CLMP: variants seen among roughly 807,000 people sequenced by gnomAD.
The protein encoded by CLMP is CXADR like cell adhesion molecule.
A neutral mutation model predicts 45.2 loss-of-function variants in CLMP; 27 were observed. The ratio of observed to expected loss-of-function variants is 0.60; its 90% CI spans 0.44 to 0.82. The LOEUF (loss-of-function observed/expected upper bound fraction) is 0.82. CLMP is among the 40% of genes least tolerant of loss of function. The pLI is 0.00. For missense variants in CLMP, 403 were observed against 448.4 expected, an observed-to-expected ratio of 0.90 and a Z score of 0.91; for synonymous variants, 167 against 171.4, an observed-to-expected ratio of 0.97 and a Z score of 0.20.
In CLMP at chr11:123,073,240, A is replaced by C. The variant is rs780760117; in HGVS notation, c.*234T>G. On this transcript the variant is annotated 3_prime_UTR_variant, in exon 7 of 7. Transcript: ENST00000448775. ...TAGATTTGGACTCCTGCTTTCCCTT[A>C]CTCTGGTCTAAAGGCACAATAAGAT... is the stretch of plus-strand genomic sequence containing the variant. 1.3e-5 allele frequency: 6 copies of C among 452,406 alleles called. No individual in the cohort carries two copies. The highest frequency in any genetic ancestry group is 2.3e-5 in the Non-Finnish European group (6 of 257,984). The allele number at this position is 452,406 out of a possible 1,614,324, so 28.0% of individuals were successfully genotyped here.
intron 1 of CLMP, among the ~76,000 whole-genome samples, chr11:123,101,428 T>TCTAATTCC (rs1227447005): frequency 2.0e-5 from 3 of 152,236 alleles, no homozygotes. Flanking sequence ...TTTCTAATTC[T>TCTAATTCC]CTAATTCCCT....
At chr11:123,098,529 G>A (rs59335731) in intron 1 of CLMP, among the ~76,000 whole-genome samples, 2,865 of 151,426 alleles carry the variant, frequency 0.019, 88 homozygotes, top group African/African-American at 0.066. Flanking sequence ...TGCCCGGCCT[G>A]TTTGTTTGTT....
chr11:123,132,091 T>C (rs4442564), intron 1 of CLMP, among the ~76,000 whole-genome samples: 21,488 of 151,920 alleles, frequency 0.14, 1,916 homozygotes, highest in East Asian at 0.25. Context: ...TGCGGGGGGG[T>C]CTATGTGTAA....
intron 1 of CLMP, among the ~76,000 whole-genome samples, chr11:123,180,176 G>A (rs994212949): frequency 1.3e-5 from 2 of 152,218 alleles, no homozygotes; most frequent in African/African-American, 4.8e-5. Flanking sequence ...ACTGTCCTAA[G>A]CACCAAGGAC....
rs1263238542 is a variant in CLMP, at chr11:123,150,488, G to GAAAGAAA, written c.28+44424_28+44425insTTTCTTT. Among the ~76,000 whole-genome samples, 7 of 47,838 alleles carry GAAAGAAA rather than the reference G, an allele frequency of 1.5e-4. 1 individual carries two copies. The highest frequency in any genetic ancestry group is 8.6e-4 in the South Asian group (1 of 1,168). The allele number at this position is 47,838 out of a possible 152,430, so 31.4% of individuals were successfully genotyped here. Reference sequence around the variant, plus strand: ...GAAAGAAAGAAAGAAAGAAAGGAAGGAAGGAAGGAAGGAAGGAAGGAAGGA... The same window carrying GAAAGAAA: ...GAAAGAAAGAAAGAAAGAAAGGAAGGAAAGAAAAAGGAAGGAAGGAAGGAAGGAAGGA... On this transcript the variant is annotated intron_variant, in intron 1 of 6. Transcript: ENST00000448775.
chr11:123,079,287 T>A (rs74581495), intron 5 of CLMP, among the ~76,000 whole-genome samples: 13,065 of 152,224 alleles, frequency 0.086, 1,204 homozygotes, highest in African/African-American at 0.23. Flanking sequence ...CTTTCTAATA[T>A]AGATTCTACA....
intron 1 of CLMP, among the ~76,000 whole-genome samples, chr11:123,137,902 C>G (rs959671494): frequency 6.6e-6 from 1 of 152,130 alleles, no homozygotes; most frequent in Non-Finnish European, 1.5e-5. Context: ...CTTGGGGTTT[C>G]CAAAGTCAGA....
chr11:123,122,480 G>A (rs766377585), intron 1 of CLMP, among the ~76,000 whole-genome samples: 32 of 152,260 alleles, frequency 2.1e-4, no homozygotes, highest in African/African-American at 3.4e-4. Flanking sequence ...ACAGTCCTCC[G>A]GGAAACAGAA....
intron 1 of CLMP, among the ~76,000 whole-genome samples, chr11:123,144,849 G>C (rs146485034): frequency 5.3e-5 from 8 of 152,196 alleles, no homozygotes; most frequent in African/African-American, 1.4e-4. Flanking sequence ...GATCCCTTTC[G>C]ACCCCATTCC....
At chr11:123,160,221 A>G (rs1280420164) in intron 1 of CLMP, among the ~76,000 whole-genome samples, 1 of 129,342 alleles carries the variant, frequency 7.7e-6, no homozygotes, top group African/African-American at 2.9e-5. Flanking sequence ...CAAAGGTTGC[A>G]GTGAGCCAAG....
intron 1 of CLMP, among the ~76,000 whole-genome samples, chr11:123,179,479 G>C (rs1380408612): frequency 3.9e-5 from 6 of 152,196 alleles, no homozygotes; most frequent in Non-Finnish European, 5.9e-5. Context: ...AACAAATACT[G>C]TAATGGCAAA....
At chr11:123,132,632 T>A (rs1861007410) in intron 1 of CLMP, among the ~76,000 whole-genome samples, 2 of 152,006 alleles carry the variant, frequency 1.3e-5, no homozygotes, top group Admixed American at 6.6e-5. Context: ...CTAATTTTTG[T>A]ATTTTTAGTA....
At chr11:123,157,009 C>T (rs112206885) in intron 1 of CLMP, among the ~76,000 whole-genome samples, 2 of 152,298 alleles carry the variant, frequency 1.3e-5, no homozygotes, top group African/African-American at 4.8e-5. Flanking sequence ...CATTTACTCC[C>T]AGGAAAACAG....
chr11:123,106,277 C>T (rs1247507451), intron 1 of CLMP, among the ~76,000 whole-genome samples: 9 of 151,824 alleles, frequency 5.9e-5, no homozygotes, highest in Admixed American at 2.0e-4. Context: ...ATTTGTATGC[C>T]TTTTCTCCTA....
chr11:123,162,670 C>T (rs950908151), intron 1 of CLMP, among the ~76,000 whole-genome samples: 4 of 151,270 alleles, frequency 2.6e-5, no homozygotes, highest in Admixed American at 1.3e-4. Context: ...TCAAGGTGGG[C>T]GGATCGCTTG....
chr11:123,118,959 T>TCTC (rs1860759598), intron 1 of CLMP, among the ~76,000 whole-genome samples: 1 of 37,862 alleles, frequency 2.6e-5, no homozygotes, highest in Non-Finnish European at 5.2e-5. Flanking sequence ...CTTTCTTTCT[T>TCTC]TCTTTCTTTC....
chr11:123,135,824 C>A, intron 1 of CLMP: 1 of 364,238 alleles, frequency 2.7e-6, no homozygotes. Flanking sequence ...TTCTCCTTGC[C>A]CTACAGACTC....
At chr11:123,135,372 T>C (rs550381595) in intron 1 of CLMP, among the ~76,000 whole-genome samples, 2 of 152,018 alleles carry the variant, frequency 1.3e-5, no homozygotes, top group East Asian at 3.9e-4. Flanking sequence ...AGAGCCTGTA[T>C]ACCATATGTA....
At chr11:123,193,691 C>G (rs919951457) in intron 1 of CLMP, among the ~76,000 whole-genome samples, 1 of 152,172 alleles carries the variant, frequency 6.6e-6, no homozygotes, top group African/African-American at 2.4e-5. Flanking sequence ...ACAGAGAACT[C>G]TAACCACGTA....
Sources: allele counts gnomAD v4.1 joint callset (sites outside exome capture counted in the v4.1 genomes callset), GRCh38; gene constraint gnomAD v4.1.1; transcripts MANE v1.5; gene names NCBI Gene and HGNC (gene_info 2026-07-23, HGNC 2026-07-21).